The following KIF4A variants were observed in gnomAD, a reference collection of about 807,000 sequenced individuals.
The protein encoded by KIF4A is kinesin family member 4A.
Under a neutral mutation model 105.9 loss-of-function variants are expected in KIF4A, and 7 were observed. The ratio of observed to expected loss-of-function variants is 0.07; its 90% CI spans 0.04 to 0.12. The LOEUF (loss-of-function observed/expected upper bound fraction) is 0.12, where lower values mean the gene tolerates loss of function less well. KIF4A is among the 10% of genes least tolerant of loss of function. The pLI, the probability that KIF4A is intolerant of heterozygous loss-of-function variation, is 1.00. For synonymous variants in KIF4A, 281 were observed against 331.3 expected, an observed-to-expected ratio of 0.85 and a Z score of 1.65; for missense variants, 558 against 929.2, an observed-to-expected ratio of 0.60 and a Z score of 5.19.
intron 18 of KIF4A, among the ~76,000 whole-genome samples, chrX:70,386,155 G>A (rs760127608): frequency 1.8e-5 from 2 of 110,415 alleles, no homozygotes; most frequent in Admixed American, 9.7e-5. Context: ...AATTTTATAG[G>A]TGGTTGGCTA....
chrX:70,318,176 C>T (rs1389074830), intron 7 of KIF4A, among the ~76,000 whole-genome samples: 1 of 111,914 alleles, frequency 8.9e-6, no homozygotes, highest in East Asian at 2.8e-4. Flanking sequence ...CCATGCCCGG[C>T]CTCCCCTTGC....
At chrX:70,345,425 C>T (rs2085988431) in intron 13 of KIF4A, among the ~76,000 whole-genome samples, 1 of 106,325 alleles carries the variant, frequency 9.4e-6, no homozygotes, top group African/African-American at 3.5e-5. Flanking sequence ...GATTGTGCCA[C>T]TGCACTCCAG....
chrX:70,364,575 G>C lies in KIF4A; in HGVS notation c.1675-9576G>C, dbSNP rs1205400890. 2.8e-5 allele frequency among the ~76,000 whole-genome samples: 3 copies of C among 108,019 alleles called. No homozygotes were observed. The East Asian group carries it at 8.7e-4, about 31-fold the overall frequency. The allele number at this position is 108,019 out of a possible 115,157, so 93.8% of individuals were successfully genotyped here. ...TAGATATGCGGCATTATTTCTGAGG[G>C]CTCTGTTCTGTTCCATTGATCTATA... is the stretch of plus-strand genomic sequence containing the variant. On this transcript the variant is annotated intron_variant, in intron 15 of 30. Transcript: ENST00000374403.
intron 13 of KIF4A, among the ~76,000 whole-genome samples, chrX:70,350,094 G>A (rs190408847): frequency 5.3e-5 from 6 of 113,903 alleles, no homozygotes; most frequent in Non-Finnish European, 9.3e-5. Context: ...TGGCGGCCGG[G>A]CAGAGGCTGT....
chrX:70,317,676 C>T (rs2085874884), intron 7 of KIF4A, among the ~76,000 whole-genome samples: 1 of 107,851 alleles, frequency 9.3e-6, no homozygotes, highest in Non-Finnish European at 1.9e-5. Flanking sequence ...TCCTGAGTAG[C>T]TGGGACCACA....
chrX:70,321,185 TC>T (rs1253127642), intron 7 of KIF4A, among the ~76,000 whole-genome samples: 1 of 110,706 alleles, frequency 9.0e-6, no homozygotes, highest in East Asian at 2.8e-4. Flanking sequence ...AGCTGTCAGG[TC>T]CCCACAACAT....
At chrX:70,322,595 G>C (rs2085895304) in intron 7 of KIF4A, among the ~76,000 whole-genome samples, 1 of 109,544 alleles carries the variant, frequency 9.1e-6, no homozygotes, top group Non-Finnish European at 1.9e-5. Flanking sequence ...ACAGGCGTGA[G>C]CCACCGTGAC....
intron 7 of KIF4A, among the ~76,000 whole-genome samples, chrX:70,312,316 T>C (rs1276454306): frequency 9.1e-6 from 1 of 109,968 alleles, no homozygotes; most frequent in Non-Finnish European, 1.9e-5. Flanking sequence ...AGCTAATTTT[T>C]GCATTTTTAG....
chrX:70,314,098 A>G (rs893928351), intron 7 of KIF4A, among the ~76,000 whole-genome samples: 1 of 111,808 alleles, frequency 8.9e-6, no homozygotes, highest in Non-Finnish European at 1.9e-5. Context: ...TAAGATCCCT[A>G]TGAGCTTGCT....
chrX:70,411,110 G>C (rs1327422003), intron 28 of KIF4A, among the ~76,000 whole-genome samples: 1 of 111,394 alleles, frequency 9.0e-6, no homozygotes, highest in Non-Finnish European at 1.9e-5. Flanking sequence ...AGAGGAAGCA[G>C]GTATTTTTGC....
Position 70,368,747 on chromosome X carries a change from GC to G in KIF4A, c.1675-5403del, listed in dbSNP as rs750707893. ...TTCGTTCTCAGATCTTCAGCTGTGT[GC>G]TGGGAGAACCACTAGTCTCTTCAAA... On this transcript the variant is annotated intron_variant, in intron 15 of 30. Transcript: ENST00000374403. Among the ~76,000 whole-genome samples, 1,057 of 112,214 alleles carry G rather than the reference GC, an allele frequency of 9.4e-3. 10 individuals are homozygous for G. The highest frequency in any genetic ancestry group is 0.033 in the African/African-American group (1,005 of 30,899).
chrX:70,372,406 C>T lies in KIF4A; in HGVS notation c.1675-1745C>T, dbSNP rs1227076967. Among the ~76,000 whole-genome samples the T allele has an allele frequency of 3.5e-5, 4 of 113,036 alleles. 1 individual carries two copies. Among genetic ancestry groups the T allele is most frequent in the South Asian group, 7.2e-4 (2 of 2,765 alleles). ...CTGCAATCCCGGCACCTCGGGAGGC[C>T]GAGGCTGGCGGATCACTCACGGTTA... On this transcript the variant is annotated intron_variant, in intron 15 of 30. Coordinates refer to ENST00000374403, the MANE Select transcript of KIF4A (RefSeq NM_012310.5).
chrX:70,331,770 G>A (rs192980245), intron 9 of KIF4A, among the ~76,000 whole-genome samples: 1 of 112,165 alleles, frequency 8.9e-6, no homozygotes, highest in African/African-American at 3.2e-5. Context: ...ATATTAAAAA[G>A]GATTTTAAGC....
At position 70,302,343 on chromosome X, in the gene KIF4A, C is replaced by T. The variant is rs1569228973; in HGVS notation, c.723C>T (p.Leu241=). 3.3e-6 allele frequency: 4 copies of T among 1,211,551 alleles called. No homozygotes were observed. Among genetic ancestry groups the T allele is most frequent in the Non-Finnish European group, 3.4e-6 (3 of 895,414 alleles). Residue 241 remains leucine (L), a synonymous_variant, in exon 7 of 31, where the codon CTC becomes CTT. Coordinates refer to ENST00000374403, the MANE Select transcript of KIF4A (RefSeq NM_012310.5). ...SFRSKLHLVD[L]AGSERQKKTK... ...GCTCCAAGCTGCATCTTGTAGACCT[C>T]GCTGGATCAGAAAGACAGAAGAAAA...
chrX:70,314,506 G>C, intron 7 of KIF4A, among the ~76,000 whole-genome samples: 1 of 111,791 alleles, frequency 8.9e-6, no homozygotes, highest in East Asian at 2.8e-4. Context: ...ATAGGAAGCA[G>C]ACAGCAGATG....
At chrX:70,313,396 AT>A (rs902518539) in intron 7 of KIF4A, among the ~76,000 whole-genome samples, 9 of 108,871 alleles carry the variant, frequency 8.3e-5, no homozygotes, top group African/African-American at 2.7e-4. Context: ...TCTCTTTTTA[AT>A]TTTTTTTTCT....
At chrX:70,303,912 C>T (rs1463223772) in intron 7 of KIF4A, among the ~76,000 whole-genome samples, 1 of 104,271 alleles carries the variant, frequency 9.6e-6, no homozygotes, top group Non-Finnish European at 2.0e-5. Flanking sequence ...ACTTACATTT[C>T]TTTTTTTTTA....
chrX:70,343,419 G>A (rs1300050181), intron 11 of KIF4A, among the ~76,000 whole-genome samples: 1 of 111,000 alleles, frequency 9.0e-6, no homozygotes, highest in East Asian at 2.8e-4. Context: ...AGTTCTCTAT[G>A]GAATTAAGGC....
chrX:70,332,003 T>G (rs1961730977), intron 9 of KIF4A, among the ~76,000 whole-genome samples: 2 of 112,021 alleles, frequency 1.8e-5, no homozygotes, highest in South Asian at 7.5e-4. Flanking sequence ...TTCTGGCATG[T>G]GGAACTGGAT....
Sources: allele counts gnomAD v4.1 joint callset (sites outside exome capture counted in the v4.1 genomes callset), GRCh38; gene constraint gnomAD v4.1.1; transcripts MANE v1.5; gene names NCBI Gene and HGNC (gene_info 2026-07-23, HGNC 2026-07-21).